Variants in TTBK2 observed in about 807,000 individuals in gnomAD.
The protein encoded by TTBK2 is tau tubulin kinase 2.
In TTBK2, 28 loss-of-function variants were observed where a neutral mutation model predicts 110.8. That is an observed-to-expected ratio of 0.25 (90% confidence interval 0.19 to 0.35). TTBK2 has a LOEUF of 0.35. Among genes scored for constraint, TTBK2 ranks in the 10% least tolerant of loss-of-function variants. The pLI is 1.00. For missense variants in TTBK2, 1,369 were observed against 1,500.3 expected (o/e 0.91, Z 1.45); for synonymous variants, 532 against 527.3 (o/e 1.01, Z -0.12).
chr15:42,778,305 C>CAAAAAAAAAAAAAAAAAAAA (rs1357166044), intron 11 of TTBK2, among the ~76,000 whole-genome samples: 1 of 115,206 alleles, frequency 8.7e-6, no homozygotes. Flanking sequence ...AAAAAAAAAA[C>CAAAAAAAAAAAAAAAAAAAA]AAAAAAGGTT....
At chr15:42,788,681 A>G (rs1042699251) in intron 10 of TTBK2, among the ~76,000 whole-genome samples, 2 of 152,146 alleles carry the variant, frequency 1.3e-5, no homozygotes, top group Non-Finnish European at 2.9e-5. Flanking sequence ...CTTGAATTCT[A>G]CATCATCTGT....
chr15:42,879,089 T>C (rs1894936723), intron 1 of TTBK2, among the ~76,000 whole-genome samples: 1 of 152,186 alleles, frequency 6.6e-6, no homozygotes, highest in Non-Finnish European at 1.5e-5. Flanking sequence ...TTAGAGCTAA[T>C]AATATTTTAA....
intron 1 of TTBK2, among the ~76,000 whole-genome samples, chr15:42,915,095 C>T (rs931526343): frequency 2.0e-5 from 3 of 152,246 alleles, no homozygotes; most frequent in African/African-American, 7.2e-5. Context: ...CATGGTTTCA[C>T]TTTCTGCAGT....
At chr15:42,845,950 CA>C (rs1161015086) in intron 3 of TTBK2, among the ~76,000 whole-genome samples, 2 of 152,048 alleles carry the variant, frequency 1.3e-5, no homozygotes, top group African/African-American at 4.8e-5. Flanking sequence ...CCTAAACGTG[CA>C]AAAGGTACAC....
At chr15:42,883,924 G>A (rs1596020900) in intron 1 of TTBK2, among the ~76,000 whole-genome samples, 1 of 151,830 alleles carries the variant, frequency 6.6e-6, no homozygotes, top group African/African-American at 2.4e-5. Context: ...TAAAAGAAAC[G>A]GGAAAAAAGT....
chr15:42,881,669 C>T (rs538108614), intron 1 of TTBK2, among the ~76,000 whole-genome samples: 1 of 151,760 alleles, frequency 6.6e-6, no homozygotes, highest in East Asian at 1.9e-4. Context: ...GTCAGGAGTT[C>T]GAGACCAGCC....
chr15:42,789,456 G>A (rs1029963223), intron 10 of TTBK2, among the ~76,000 whole-genome samples: 8 of 152,028 alleles, frequency 5.3e-5, no homozygotes, highest in South Asian at 2.1e-4. Flanking sequence ...GAATAAGGTC[G>A]GGTGTAGCGG....
intron 13 of TTBK2, among the ~76,000 whole-genome samples, chr15:42,755,724 A>T (rs933857722): frequency 2.0e-5 from 3 of 152,234 alleles, no homozygotes; most frequent in African/African-American, 7.2e-5. Flanking sequence ...TCTAAAATAT[A>T]TTTAGACAGA....
At chr15:42,842,040 A>G (rs1404132751) in intron 3 of TTBK2, among the ~76,000 whole-genome samples, 3 of 152,174 alleles carry the variant, frequency 2.0e-5, no homozygotes, top group Non-Finnish European at 4.4e-5. Flanking sequence ...ACTTAAGCAC[A>G]TAATTTGGAA....
chr15:42,784,300 A>G (rs552510231), intron 10 of TTBK2, among the ~76,000 whole-genome samples: 1 of 152,122 alleles, frequency 6.6e-6, no homozygotes, highest in African/African-American at 2.4e-5. Context: ...TTTTTGAGAC[A>G]GAGTTTCACT....
At chr15:42,764,008 AAAAGATGGACT>A (rs1889234675) in intron 13 of TTBK2, among the ~76,000 whole-genome samples, 3 of 152,246 alleles carry the variant, frequency 2.0e-5, no homozygotes, top group Non-Finnish European at 4.4e-5. Flanking sequence ...AGAAGCCCAG[AAAAGATGGACT>A]AAAACAAAAA....
Position 42,743,386 on chromosome 15 carries a change from C to T in TTBK2, c.*2409G>A, listed in dbSNP as rs1177797530. ...GAAATGCCAATAAGAAATAAAATCA[C>T]ACACACGTACCACAGTTGTAGCTTC... On this transcript the variant is annotated 3_prime_UTR_variant, in exon 15 of 15. Transcript: ENST00000267890. The T allele has an allele frequency of 2.6e-5, 4 of 152,206 alleles. No homozygotes were observed. The highest frequency in any genetic ancestry group is 1.3e-4 in the Admixed American group (2 of 15,288). The allele number at this position is 152,206 out of a possible 1,614,324, so 9.4% of individuals were successfully genotyped here. A position where few individuals can be genotyped will look rare whatever the true frequency, so the allele number is the denominator to read the frequency against.
intron 1 of TTBK2, among the ~76,000 whole-genome samples, chr15:42,885,328 G>T (rs149801092): frequency 7.2e-4 from 109 of 152,282 alleles, no homozygotes; most frequent in African/African-American, 2.5e-3. Context: ...TTTTAAATCG[G>T]GTAAGCAGCC....
intron 4 of TTBK2, among the ~76,000 whole-genome samples, chr15:42,834,271 A>G (rs972992671): frequency 6.6e-6 from 1 of 152,154 alleles, no homozygotes; most frequent in African/African-American, 2.4e-5. Flanking sequence ...TGTAAATTTG[A>G]ATTAGAAACA....
At chr15:42,801,380 G>A (rs1487554904) in intron 9 of TTBK2, 8 of 1,375,270 alleles carry the variant, frequency 5.8e-6, no homozygotes, top group Non-Finnish European at 8.3e-6. Flanking sequence ...CATCCTTAAT[G>A]GCTAGCTCCC....
chr15:42,887,217 G>T (rs931575888), intron 1 of TTBK2, among the ~76,000 whole-genome samples: 1 of 151,992 alleles, frequency 6.6e-6, no homozygotes, highest in Non-Finnish European at 1.5e-5. Context: ...ATCCCCACCT[G>T]CCCAGCTCCC....
chr15:42,745,409 G>C lies in TTBK2; in HGVS notation c.*386C>G, dbSNP rs2061778555. The C allele has an allele frequency of 1.2e-5, 3 of 252,330 alleles. No homozygotes were observed. In the South Asian group the frequency reaches 1.5e-4, roughly 13 times the overall value. 15.6% of individuals were successfully genotyped at this position (252,330 alleles called of 1,614,324 possible). On this transcript the variant is annotated 3_prime_UTR_variant, in exon 15 of 15. Coordinates refer to ENST00000267890, the MANE Select transcript of TTBK2 (RefSeq NM_173500.4). ...AGTTTTGAATGAAAATATCAAACAA[G>C]AAGTTTCACTTTTGCTATATAATCT...
chr15:42,892,619 T>A (rs1895501698), intron 1 of TTBK2, among the ~76,000 whole-genome samples: 2 of 145,708 alleles, frequency 1.4e-5, no homozygotes, highest in South Asian at 2.2e-4. Flanking sequence ...GGTGGGAGGA[T>A]CTCTTGAGCC....
At chr15:42,819,900 C>T (rs1359226591) in intron 6 of TTBK2, among the ~76,000 whole-genome samples, 1 of 152,084 alleles carries the variant, frequency 6.6e-6, no homozygotes, top group Non-Finnish European at 1.5e-5. Flanking sequence ...ATTTTCATTC[C>T]AGTAACTGTC....
Sources: allele counts gnomAD v4.1 joint callset (sites outside exome capture counted in the v4.1 genomes callset), GRCh38; gene constraint gnomAD v4.1.1; transcripts MANE v1.5; gene names NCBI Gene and HGNC (gene_info 2026-07-23, HGNC 2026-07-21).